LRP1B: variants seen among roughly 807,000 people sequenced by gnomAD.
LRP1B encodes the protein low-density lipoprotein receptor-related protein 1B.
In LRP1B, 217 loss-of-function variants were observed where a neutral mutation model predicts 556.6. The ratio of observed to expected loss-of-function variants is 0.39; its 90% CI spans 0.35 to 0.44. LRP1B has a LOEUF of 0.44. Ranked by LOEUF, LRP1B falls within the 20% of genes least tolerant of loss-of-function variation. LRP1B has a pLI of 1.00. For missense variants in LRP1B, 5,053 were observed against 5,620.8 expected (o/e 0.90, Z 3.23); for synonymous variants, 2,047 against 1,865.8 (o/e 1.10, Z -2.50).
intron 2 of LRP1B, among the ~76,000 whole-genome samples, chr2:141,628,461 C>A (rs1688782265): frequency 6.6e-6 from 1 of 151,854 alleles, no homozygotes; most frequent in Admixed American, 6.6e-5. Context: ...AAAAAAAATT[C>A]TTGATGGAAG....
At chr2:141,618,469 CAT>C (rs1688387743) in intron 2 of LRP1B, among the ~76,000 whole-genome samples, 1 of 152,134 alleles carries the variant, frequency 6.6e-6, no homozygotes, top group African/African-American at 2.4e-5. Context: ...TACAGGGAAA[CAT>C]AGTTTCTCCC....
chr2:141,418,437 T>G (rs571210433), intron 3 of LRP1B, among the ~76,000 whole-genome samples: 3 of 150,398 alleles, frequency 2.0e-5, no homozygotes, highest in South Asian at 4.2e-4. Flanking sequence ...ACAATATTTT[T>G]TTTTTTTTTT....
At chr2:141,906,770 G>A (rs547334666) in intron 1 of LRP1B, among the ~76,000 whole-genome samples, 1 of 152,156 alleles carries the variant, frequency 6.6e-6, no homozygotes, top group South Asian at 2.1e-4. Context: ...GTGTTTGTGT[G>A]TTAACTTTCT....
chr2:141,656,662 T>G (rs573802339), intron 2 of LRP1B, among the ~76,000 whole-genome samples: 49 of 152,298 alleles, frequency 3.2e-4, no homozygotes, highest in Admixed American at 1.7e-3. Flanking sequence ...ATGTTTGCTT[T>G]TAAATGATAT....
At chr2:141,903,014 T>A (rs1365354757) in intron 1 of LRP1B, among the ~76,000 whole-genome samples, 1 of 151,966 alleles carries the variant, frequency 6.6e-6, no homozygotes, top group Non-Finnish European at 1.5e-5. Flanking sequence ...CTTTCCTTCT[T>A]GCATGCATCT....
At chr2:140,327,839 C>T (rs1276140591) in intron 79 of LRP1B, among the ~76,000 whole-genome samples, 1 of 151,932 alleles carries the variant, frequency 6.6e-6, no homozygotes, top group Non-Finnish European at 1.5e-5. Context: ...TTTATCAGCT[C>T]TGGCCATATT....
chr2:140,314,496 ATGGG>A (rs1684435366), intron 83 of LRP1B, among the ~76,000 whole-genome samples: 1 of 152,130 alleles, frequency 6.6e-6, no homozygotes, highest in Non-Finnish European at 1.5e-5. Flanking sequence ...ACAATTTTAG[ATGGG>A]AATCAGGATG....
intron 3 of LRP1B, among the ~76,000 whole-genome samples, chr2:141,277,646 G>T (rs1355787121): frequency 2.0e-5 from 3 of 148,542 alleles, no homozygotes; most frequent in East Asian, 2.0e-4. Context: ...TATATTTTTT[G>T]TTGTTGTTGT....
chr2:140,672,475 C>T (rs1685520440), intron 41 of LRP1B, among the ~76,000 whole-genome samples: 1 of 95,648 alleles, frequency 1.0e-5, no homozygotes, highest in Admixed American at 1.2e-4. Context: ...CAGAATGAGA[C>T]TCCATCTAAA....
At position 140,495,551 on chromosome 2, in the gene LRP1B, GT is replaced by G. The variant is rs756756262; in HGVS notation, c.9034+13del. The G allele has an allele frequency of 3.2e-6, 5 of 1,559,898 alleles. No homozygotes were observed. The highest frequency in any genetic ancestry group is 3.5e-6 in the Non-Finnish European group (4 of 1,140,102). ...TAACTGAGGTTGGATCAGTGGGCAA[GT>G]TCAATTCGATACCTGAGAGCGATTT... On this transcript the variant is annotated intron_variant, in intron 56 of 90. Transcript: ENST00000389484.
chr2:140,835,823 A>T (rs1375967483), intron 31 of LRP1B, among the ~76,000 whole-genome samples: 1 of 152,142 alleles, frequency 6.6e-6, no homozygotes, highest in Non-Finnish European at 1.5e-5. Context: ...ACAGGCGTGA[A>T]CCACCGCACC....
In LRP1B at chr2:140,738,525, C is replaced by A. The variant is rs561591759; in HGVS notation, c.5759-21709G>T. ...CTAAGGCCTCAGCTCCCACATTGTC[C>A]CCCGCCAAAGACTGAATGTGGTATA... On this transcript the variant is annotated intron_variant, in intron 35 of 90. Coordinates refer to ENST00000389484, the MANE Select transcript of LRP1B (RefSeq NM_018557.3). Among the ~76,000 whole-genome samples, 32 of 152,230 alleles carry A rather than the reference C, an allele frequency of 2.1e-4. No individual in the cohort carries two copies. In the South Asian group the frequency reaches 3.7e-3, roughly 18 times the overall value.
chr2:142,040,371 G>A (rs116480107), intron 1 of LRP1B, among the ~76,000 whole-genome samples: 1,718 of 151,232 alleles, frequency 0.011, 24 homozygotes, highest in African/African-American at 0.033. Flanking sequence ...TGCACATTCC[G>A]GGAGGCAAAT....
At chr2:142,005,347 C>T (rs1431858950) in intron 1 of LRP1B, among the ~76,000 whole-genome samples, 1 of 152,034 alleles carries the variant, frequency 6.6e-6, no homozygotes, top group East Asian at 1.9e-4. Context: ...TCATAACATT[C>T]CGGGCATTTT....
chr2:140,992,350 T>C (rs1452783539), intron 16 of LRP1B, among the ~76,000 whole-genome samples: 1 of 152,120 alleles, frequency 6.6e-6, no homozygotes, highest in Non-Finnish European at 1.5e-5. Flanking sequence ...ACAAATGCAA[T>C]GCTTCTTCTA....
intron 18 of LRP1B, among the ~76,000 whole-genome samples, chr2:140,974,411 T>C (rs532514065): frequency 2.1e-4 from 32 of 152,218 alleles, no homozygotes; most frequent in Non-Finnish European, 3.8e-4. Flanking sequence ...ATGGGACTGA[T>C]ATCCAACTGA....
chr2:140,566,210 G>A (rs184808560), intron 43 of LRP1B, among the ~76,000 whole-genome samples: 95 of 152,208 alleles, frequency 6.2e-4, no homozygotes, highest in African/African-American at 2.0e-3. Flanking sequence ...TAACCCCTTC[G>A]CCAGGGGGTC....
intron 7 of LRP1B, among the ~76,000 whole-genome samples, chr2:141,076,711 T>G (rs967889272): frequency 5.3e-5 from 8 of 152,232 alleles, no homozygotes; most frequent in Non-Finnish European, 1.2e-4. Context: ...CCTGGCTGTT[T>G]ATTAATTTCT....
At chr2:141,404,667 G>A (rs1690567244) in intron 3 of LRP1B, among the ~76,000 whole-genome samples, 1 of 152,086 alleles carries the variant, frequency 6.6e-6, no homozygotes, top group Admixed American at 6.5e-5. Flanking sequence ...AATGTATAGT[G>A]GCATAATTTG....
Sources: allele counts gnomAD v4.1 joint callset (sites outside exome capture counted in the v4.1 genomes callset), GRCh38; gene constraint gnomAD v4.1.1; transcripts MANE v1.5; gene names NCBI Gene and HGNC (gene_info 2026-07-23, HGNC 2026-07-21).